DMGDH: variants seen among roughly 807,000 people sequenced by gnomAD.
DMGDH encodes dimethylglycine dehydrogenase, mitochondrial.
DMGDH carries 76 observed loss-of-function variants against 95.2 expected under a neutral mutation model. That is an observed-to-expected ratio of 0.80 (90% CI 0.66 to 0.97). DMGDH has a LOEUF of 0.97. Among genes scored for constraint, DMGDH ranks in the 50% least tolerant of loss-of-function variants. The pLI is 0.00. For synonymous variants in DMGDH, 345 were observed against 377.6 expected (o/e 0.91, Z 1.00); for missense variants, 987 against 1,055.0 (o/e 0.94, Z 0.89).
intron 2 of DMGDH, among the ~76,000 whole-genome samples, 162 bp downstream of exon 2, chr5:79,063,451 T>C (rs1580233983): frequency 6.6e-6 from 1 of 152,202 alleles, no homozygotes; most frequent in East Asian, 1.9e-4. Context: ...AAATATTGGT[T>C]GTCATCTGGA....
intron 13 of DMGDH, 61 bp downstream of exon 13, chr5:79,026,363 C>A (rs1754000286): frequency 6.2e-7 from 1 of 1,604,544 alleles, no homozygotes; most frequent in African/African-American, 1.3e-5. Flanking sequence ...TCAAACCAGC[C>A]CTTATATAAA....
chr5:79,024,380 G>A (rs1038874360), intron 13 of DMGDH, 50 bp from the exon 14 acceptor site: 1 of 1,488,224 alleles, frequency 6.7e-7, no homozygotes. Flanking sequence ...AAGTCATTTT[G>A]GTAACATCAC....
intron 7 of DMGDH, among the ~76,000 whole-genome samples, chr5:79,033,824 C>A (rs2049163): frequency 2.0e-5 from 3 of 151,840 alleles, no homozygotes; most frequent in Non-Finnish European, 4.4e-5. Flanking sequence ...CCCAGGTACA[C>A]GGGTGGCTGA....
chr5:79,021,398 TAA>T (rs1753863437), intron 14 of DMGDH: 12 of 1,180,804 alleles, frequency 1.0e-5, no homozygotes, highest in African/African-American at 1.6e-5. Context: ...CGGTACTTAA[TAA>T]ATGTCTACTA....
intron 6 of DMGDH, among the ~76,000 whole-genome samples, chr5:79,043,564 G>A (rs775177862): frequency 5.3e-5 from 8 of 152,206 alleles, no homozygotes; most frequent in Non-Finnish European, 1.2e-4. Flanking sequence ...GCTTATCAAA[G>A]TATAATTTTA....
chr5:79,062,883 A>G (rs1293166637), intron 2 of DMGDH, among the ~76,000 whole-genome samples: 3 of 152,086 alleles, frequency 2.0e-5, no homozygotes, highest in African/African-American at 7.2e-5. Context: ...CATGAGGTCA[A>G]GAGATAGAGA....
intron 14 of DMGDH, among the ~76,000 whole-genome samples, chr5:79,015,853 TA>T (rs1753723233): frequency 6.6e-6 from 1 of 152,188 alleles, no homozygotes; most frequent in African/African-American, 2.4e-5. Flanking sequence ...AGAAAATTAA[TA>T]AATGTAATAA....
chr5:79,031,011 AT>A lies in DMGDH; in HGVS notation c.1518-14del. 6.2e-7 allele frequency: 1 copy of A among 1,614,132 alleles called. No homozygotes were observed. The highest frequency in any genetic ancestry group is 8.5e-7 in the Non-Finnish European group (1 of 1,179,998). On this transcript the variant is annotated splice_polypyrimidine_tract_variant and intron_variant, in intron 9 of 15. Coordinates refer to ENST00000255189, the MANE Select transcript of DMGDH (RefSeq NM_013391.3). ...GCGAAAACTTGGCCTGAAACACAAC[AT>A]TTAGTGTCATAAAACAACTCCCGTT...
intron 14 of DMGDH, among the ~76,000 whole-genome samples, chr5:79,012,651 G>C (rs1013494822): frequency 2.6e-5 from 4 of 152,240 alleles, no homozygotes; most frequent in Non-Finnish European, 5.9e-5. Context: ...TGAAATTTAG[G>C]TGGAGGCTCC....
At chr5:79,031,055 A>G in intron 9 of DMGDH, 57 bp from the exon 10 acceptor site, 7 of 1,589,608 alleles carry the variant, frequency 4.4e-6, no homozygotes, top group Non-Finnish European at 5.2e-6. Flanking sequence ...CAAAAATTAC[A>G]GAATACGATA....
intron 3 of DMGDH, among the ~76,000 whole-genome samples, chr5:79,055,604 GT>G (rs1755005964): frequency 6.6e-6 from 1 of 152,146 alleles, no homozygotes; most frequent in East Asian, 1.9e-4. Context: ...ATAAAGAATG[GT>G]TCATGACATG....
intron 15 of DMGDH, chr5:79,000,908 C>T (rs1753441129): frequency 6.0e-6 from 4 of 667,288 alleles, no homozygotes; most frequent in Non-Finnish European, 1.1e-5. Context: ...GAGCATTCAA[C>T]TGATAGACAG....
At chr5:79,027,057 G>A (rs530899276) in intron 12 of DMGDH, among the ~76,000 whole-genome samples, 55 of 152,172 alleles carry the variant, frequency 3.6e-4, no homozygotes, top group Non-Finnish European at 6.6e-4. Context: ...GAAAGCCATA[G>A]TCTCTGACTT....
chr5:78,999,952 T>C (rs1260969744), intron 15 of DMGDH, among the ~76,000 whole-genome samples: 1 of 151,870 alleles, frequency 6.6e-6, no homozygotes, highest in Admixed American at 6.6e-5. Flanking sequence ...AAGCAGAGAC[T>C]AGAAAATCAC....
intron 14 of DMGDH, chr5:79,021,364 T>C: frequency 2.6e-6 from 3 of 1,155,672 alleles, no homozygotes; most frequent in Non-Finnish European, 3.3e-6. Context: ...TTTAGATCTA[T>C]GGGTTAGCAA....
intron 14 of DMGDH, among the ~76,000 whole-genome samples, chr5:79,009,333 A>ACTTT (rs59402535): frequency 0.093 from 13,368 of 143,800 alleles, 979 homozygotes; most frequent in East Asian, 0.21. Context: ...AGAAACACTT[A>ACTTT]CTTTCTTTCT....
intron 7 of DMGDH, among the ~76,000 whole-genome samples, chr5:79,035,007 A>G (rs58898005): frequency 2.9e-5 from 4 of 140,236 alleles, no homozygotes; most frequent in African/African-American, 1.1e-4. Flanking sequence ...CAGTGAGCCG[A>G]GATCGCGCCA....
chr5:79,037,992 T>C (rs1280041905), intron 7 of DMGDH, among the ~76,000 whole-genome samples: 1 of 152,218 alleles, frequency 6.6e-6, no homozygotes. Flanking sequence ...CAGATGTCAA[T>C]ACTCCCCAAA....
intron 1 of DMGDH, among the ~76,000 whole-genome samples, chr5:79,065,112 C>G (rs1755334069): frequency 6.6e-6 from 1 of 152,040 alleles, no homozygotes; most frequent in Non-Finnish European, 1.5e-5. Flanking sequence ...TACACAGGGT[C>G]AGGATCATCA....
Sources: gnomAD v4.1 joint callset for allele counts (sites outside exome capture counted in the v4.1 genomes callset) on GRCh38, gnomAD v4.1.1 for gene constraint, MANE v1.5 for transcripts, NCBI Gene and HGNC (gene_info 2026-07-23, HGNC 2026-07-21) for gene names.